The following CHD6 variants were observed in gnomAD, a reference collection of about 807,000 sequenced individuals.
CHD6 encodes ATP-dependent chromatin remodeler CHD6.
Under a neutral mutation model 276.9 loss-of-function variants are expected in CHD6, and 50 were observed. That is an observed-to-expected ratio of 0.18 (90% CI 0.14 to 0.23). The LOEUF (loss-of-function observed/expected upper bound fraction) is 0.23. Ranked by LOEUF, CHD6 falls within the 10% of genes least tolerant of loss-of-function variation. The pLI is 1.00. For synonymous variants in CHD6, 1,173 were observed against 1,229.3 expected (o/e 0.95, Z 0.96); for missense variants, 2,564 against 3,365.8 (o/e 0.76, Z 5.89).
intron 5 of CHD6, among the ~76,000 whole-genome samples, chr20:41,501,739 T>A (rs909556264): frequency 6.6e-6 from 1 of 152,156 alleles, no homozygotes; most frequent in African/African-American, 2.4e-5. Context: ...AAATAAATAA[T>A]ATTGTCAAAA....
chr20:41,442,718 C>T (rs961077154), intron 25 of CHD6, among the ~76,000 whole-genome samples: 3 of 152,172 alleles, frequency 2.0e-5, no homozygotes, highest in South Asian at 2.1e-4. Context: ...GTGATAAGGG[C>T]GAAGGTTAGA....
chr20:41,613,336 C>T (rs1306874504), intron 1 of CHD6, among the ~76,000 whole-genome samples: 1 of 152,158 alleles, frequency 6.6e-6, no homozygotes, highest in African/African-American at 2.4e-5. Flanking sequence ...GTATTCAAAG[C>T]AAGAAAATGT....
chr20:41,565,005 T>TG lies in CHD6; in HGVS notation c.-23-13646dup, dbSNP rs1466762456. 3.9e-5 allele frequency among the ~76,000 whole-genome samples: 6 copies of TG among 152,066 alleles called. No individual in the cohort carries two copies. The South Asian group carries it at 1.0e-3, about 26-fold the overall frequency. The stretch of plus-strand genomic sequence containing the variant: ...CAGGCTTGGGGTCCAAGAAGACCAG[T>TG]GAGTCATACCCAGGTAGAAGTAACA... On this transcript the variant is annotated intron_variant, in intron 1 of 36. Coordinates refer to ENST00000373233, the MANE Select transcript of CHD6 (RefSeq NM_032221.5).
At chr20:41,530,221 T>C (rs1256042224) in intron 3 of CHD6, among the ~76,000 whole-genome samples, 1 of 152,166 alleles carries the variant, frequency 6.6e-6, no homozygotes, top group Non-Finnish European at 1.5e-5. Context: ...TGACTATTTC[T>C]CAACTGATTT....
chr20:41,514,771 T>TA, intron 4 of CHD6, 34 bp downstream of exon 4: 1 of 1,609,578 alleles, frequency 6.2e-7, no homozygotes, highest in Non-Finnish European at 8.5e-7. Context: ...CCAGGAGCCG[T>TA]AATCTCCACC....
At chr20:41,485,077 A>G (rs1031226089) in intron 14 of CHD6, among the ~76,000 whole-genome samples, 2 of 152,246 alleles carry the variant, frequency 1.3e-5, no homozygotes, top group African/African-American at 4.8e-5. Context: ...CTTTTAAGTA[A>G]CAATAGCAGC....
At chr20:41,565,001 C>G (rs1259378557) in intron 1 of CHD6, among the ~76,000 whole-genome samples, 3 of 151,964 alleles carry the variant, frequency 2.0e-5, no homozygotes, top group Admixed American at 2.0e-4. Context: ...TCCAAGAAGA[C>G]CAGTGAGTCA....
At chr20:41,548,300 A>C (rs1171538778) in intron 2 of CHD6, among the ~76,000 whole-genome samples, 1 of 152,302 alleles carries the variant, frequency 6.6e-6, no homozygotes, top group South Asian at 2.1e-4. Context: ...TGTTCTGTTC[A>C]TCAAAATTAC....
chr20:41,561,949 C>T (rs921310414), intron 1 of CHD6, among the ~76,000 whole-genome samples: 2 of 152,142 alleles, frequency 1.3e-5, no homozygotes, highest in African/African-American at 4.8e-5. Flanking sequence ...TGGATTCTTT[C>T]TCAATCTGGA....
intron 1 of CHD6, among the ~76,000 whole-genome samples, chr20:41,606,008 A>C (rs2045823680): frequency 6.6e-6 from 1 of 152,202 alleles, no homozygotes; most frequent in South Asian, 2.1e-4. Flanking sequence ...GAAAAGACAA[A>C]CATTTAGAAC....
At chr20:41,547,723 G>T in intron 2 of CHD6, 2 of 591,452 alleles carry the variant, frequency 3.4e-6, no homozygotes, top group South Asian at 2.7e-5. Context: ...ATTAAACACA[G>T]TGGAATTATC....
rs190036738 is a variant in CHD6 at position 41,412,960 on chromosome 20, G to C, written c.7131+364C>G. Among the ~76,000 whole-genome samples, 137 of 152,292 alleles carry C rather than the reference G, an allele frequency of 9.0e-4. 1 individual carries two copies. The highest frequency in any genetic ancestry group is 3.5e-4 in the Non-Finnish European group (24 of 68,020). On this transcript the variant is annotated intron_variant, in intron 35 of 36. Transcript: ENST00000373233. ...CACCACAAATGGAACGTATTAACTT[G>C]AAAAGAATTCAAAGGAACATTTTCA...
chr20:41,585,264 G>A (rs1406676944), intron 1 of CHD6, among the ~76,000 whole-genome samples: 1 of 152,166 alleles, frequency 6.6e-6, no homozygotes, highest in Non-Finnish European at 1.5e-5. Context: ...AGCACTTTGG[G>A]AGGCCGAGGC....
chr20:41,498,159 T>A lies in CHD6; in HGVS notation c.974+9A>T, dbSNP rs182761438. The A allele has an allele frequency of 2.4e-3, 3,795 of 1,594,700 alleles. 16 individuals carry two copies. The highest frequency in any genetic ancestry group is 1.9e-3 in the Non-Finnish European group (2,172 of 1,165,834). ...ACCCAAATACAGAGAATACTTTAAA[T>A]AGACGTACAAATTTCTATACTTAAC... On this transcript the variant is annotated intron_variant, in intron 7 of 36. Coordinates refer to ENST00000373233, the MANE Select transcript of CHD6 (RefSeq NM_032221.5).
At chr20:41,450,198 C>T (rs908136950) in intron 23 of CHD6, among the ~76,000 whole-genome samples, 6 of 152,110 alleles carry the variant, frequency 3.9e-5, no homozygotes, top group African/African-American at 1.4e-4. Context: ...ACGGGAAAAC[C>T]CAAGCAAAAG....
chr20:41,510,115 G>A (rs1352766714), intron 5 of CHD6, among the ~76,000 whole-genome samples: 1 of 152,170 alleles, frequency 6.6e-6, no homozygotes, highest in African/African-American at 2.4e-5. Flanking sequence ...TAGCAGGCAG[G>A]CAGACACCCA....
At chr20:41,577,051 A>C (rs1568712803) in intron 1 of CHD6, among the ~76,000 whole-genome samples, 1 of 152,232 alleles carries the variant, frequency 6.6e-6, no homozygotes, top group Non-Finnish European at 1.5e-5. Context: ...TGAGGGACAG[A>C]AAAGGAAGGA....
Position 41,431,776 on chromosome 20 carries a change from C to CTTTTTTTTTTTTTTTTT in CHD6, c.4068+5497_4068+5498insAAAAAAAAAAAAAAAAA, listed in dbSNP as rs61227802. On this transcript the variant is annotated intron_variant, in intron 27 of 36. Transcript: ENST00000373233. ...AGGAATGACATGATGAAAAAACATG[C>CTTTTTTTTTTTTTTTTT]TTTTTTTTTTTTTTTGCTTCATATA... 8.8e-4 allele frequency among the ~76,000 whole-genome samples: 92 copies of CTTTTTTTTTTTTTTTTT among 104,750 alleles called. 4 individuals are homozygous for CTTTTTTTTTTTTTTTTT. The highest frequency in any genetic ancestry group is 1.1e-3 in the African/African-American group (29 of 26,776). The allele number at this position is 104,750 out of a possible 152,430, so 68.7% of individuals were successfully genotyped here. A position where few individuals can be genotyped will look rare whatever the true frequency, so the allele number is the denominator to read the frequency against.
At chr20:41,559,967 G>A (rs1444194015) in intron 1 of CHD6, among the ~76,000 whole-genome samples, 1 of 152,000 alleles carries the variant, frequency 6.6e-6, no homozygotes, top group Non-Finnish European at 1.5e-5. Flanking sequence ...ATGCCACCCA[G>A]CCCAGAACTG....
Sources: allele counts gnomAD v4.1 joint callset (sites outside exome capture counted in the v4.1 genomes callset), GRCh38; gene constraint gnomAD v4.1.1; transcripts MANE v1.5; gene names NCBI Gene and HGNC (gene_info 2026-07-23, HGNC 2026-07-21).